The following TUBGCP3 variants were observed in gnomAD, a reference collection of about 807,000 sequenced individuals.
The protein encoded by TUBGCP3 is tubulin gamma complex component 3, also known as gamma-tubulin complex component 3.
A neutral mutation model predicts 123.1 loss-of-function variants in TUBGCP3; 50 were observed. That is an observed-to-expected ratio of 0.41 (90% CI 0.32 to 0.51). The LOEUF is 0.51. Ranked by LOEUF, TUBGCP3 falls within the 20% of genes least tolerant of loss-of-function variation. The pLI, the probability that TUBGCP3 is intolerant of heterozygous loss-of-function variation, is 0.36. For synonymous variants in TUBGCP3, 405 were observed against 413.9 expected, an observed-to-expected ratio of 0.98 and a Z score of 0.26; for missense variants, 882 against 1,127.0, an observed-to-expected ratio of 0.78 and a Z score of 3.11.
chr13:112,508,330 C>G lies in TUBGCP3; in HGVS notation c.2087-3616G>C, dbSNP rs1881440071. 6.6e-6 allele frequency among the ~76,000 whole-genome samples: 1 copy of G among 152,218 alleles called. No homozygotes were observed. Among genetic ancestry groups the G allele is most frequent in the South Asian group, 2.1e-4 (1 of 4,830 alleles). ...ATCGGCATCTCAAACAGCCTTCCAA[C>G]AAACAAAGCGTCTAACTTCGTTAGA... is the stretch of plus-strand genomic sequence containing the variant. On this transcript the variant is annotated intron_variant, in intron 17 of 21. Transcript: ENST00000261965. This position sits in a 1 kb window ranked among gnomAD's most constrained non-coding sequence, Gnocchi z 4.2.
At chr13:112,500,875 TTCATTTGCTAAG>T (rs1358112601) in intron 19 of TUBGCP3, among the ~76,000 whole-genome samples, 3 of 152,260 alleles carry the variant, frequency 2.0e-5, no homozygotes, top group African/African-American at 7.2e-5. Flanking sequence ...CGGTTCAAAA[TTCATTTGCTAAG>T]TCACAGCAGC....
At chr13:112,518,015 T>C (rs1343277284) in intron 16 of TUBGCP3, among the ~76,000 whole-genome samples, 1 of 152,202 alleles carries the variant, frequency 6.6e-6, no homozygotes, top group Non-Finnish European at 1.5e-5. Flanking sequence ...TGATGAGAAA[T>C]TAAATTTAAG....
chr13:112,516,785 A>G (rs1470769761), intron 16 of TUBGCP3, among the ~76,000 whole-genome samples: 1 of 152,180 alleles, frequency 6.6e-6, no homozygotes, highest in East Asian at 1.9e-4. Context: ...CTTGCAGTTT[A>G]TTAGGATTTT....
chr13:112,492,645 C>T lies in TUBGCP3; in HGVS notation c.2449-2948G>A, dbSNP rs117265434. 2.6e-4 allele frequency among the ~76,000 whole-genome samples: 40 copies of T among 152,030 alleles called. 1 individual carries two copies. The East Asian group carries it at 6.6e-3, about 25-fold the overall frequency. Reference sequence around the variant, plus strand: ...AGACGCTCTGGCTATGGGAACGGGGCCTGGTGTCCCTGAGATGCTCTGGCT... The same window carrying T: ...AGACGCTCTGGCTATGGGAACGGGGTCTGGTGTCCCTGAGATGCTCTGGCT... On this transcript the variant is annotated intron_variant, in intron 20 of 21. Transcript: ENST00000261965.
intron 17 of TUBGCP3, among the ~76,000 whole-genome samples, chr13:112,513,323 C>T (rs779821223): frequency 6.6e-6 from 1 of 152,316 alleles, no homozygotes; most frequent in East Asian, 1.9e-4. Context: ...ACATAAAAAG[C>T]TGCTACCATC....
chr13:112,565,168 T>C lies in TUBGCP3; in HGVS notation c.195A>G (p.Gln65=). 2 of 1,613,184 alleles carry C rather than the reference T, an allele frequency of 1.2e-6. No homozygotes were observed. The highest frequency in any genetic ancestry group is 1.7e-6 in the Non-Finnish European group (2 of 1,179,924). ...AEKIKKELIR[Q]RREADAALFS... is the part of the protein sequence containing the mutation. Reference sequence around the variant, plus strand: ...ATAATGCAGCATCTGCTTCTCTTCGTTGTCGAATAACTGAAAAGACAGAAA... The same window carrying C: ...ATAATGCAGCATCTGCTTCTCTTCGCTGTCGAATAACTGAAAAGACAGAAA... Residue 65 remains glutamine, a synonymous_variant, in exon 3 of 22, where the codon CAA becomes CAG. Coordinates refer to ENST00000261965, the MANE Select transcript of TUBGCP3 (RefSeq NM_006322.6).
chr13:112,497,408 C>CA, intron 20 of TUBGCP3, among the ~76,000 whole-genome samples: 1 of 152,132 alleles, frequency 6.6e-6, no homozygotes, highest in Non-Finnish European at 1.5e-5. Flanking sequence ...CAAATGTTTC[C>CA]AAAAAATACC....
chr13:112,549,322 C>A (rs375817622), intron 8 of TUBGCP3, among the ~76,000 whole-genome samples: 2 of 115,994 alleles, frequency 1.7e-5, no homozygotes, highest in East Asian at 2.9e-4. Context: ...ACTTGGATAC[C>A]GGGGCCTGTT....
intron 17 of TUBGCP3, among the ~76,000 whole-genome samples, chr13:112,507,675 A>C (rs1441248269): frequency 6.6e-6 from 1 of 152,202 alleles, no homozygotes; most frequent in Non-Finnish European, 1.5e-5. Flanking sequence ...GGCTTCCTCC[A>C]GAATTCTTCT....
Position 112,545,241 on chromosome 13 carries a change from C to T in TUBGCP3, c.1335+458G>A, listed in dbSNP as rs1878891365. The T allele has an allele frequency of 6.3e-6, 1 of 159,042 alleles. No homozygotes were observed. 9.9% of individuals were successfully genotyped at this position (159,042 alleles called of 1,614,324 possible). A position where few individuals can be genotyped will look rare whatever the true frequency, so the allele number is the denominator to read the frequency against. Reference sequence around the variant, plus strand: ...CATTTCTATCATGTGATTTACACAACAGTGATTTTTAAGCAGCACATGCTG... The same window carrying T: ...CATTTCTATCATGTGATTTACACAATAGTGATTTTTAAGCAGCACATGCTG... On this transcript the variant is annotated intron_variant, in intron 11 of 21. Transcript: ENST00000261965. This position sits in a 1 kb window ranked among gnomAD's most constrained non-coding sequence, Gnocchi z 4.1.
intron 1 of TUBGCP3, among the ~76,000 whole-genome samples, chr13:112,571,336 T>C (rs1881372343): frequency 6.6e-6 from 1 of 152,210 alleles, no homozygotes; most frequent in Admixed American, 6.5e-5. Context: ...AGATGCATGT[T>C]AGCAGGCATG....
chr13:112,488,667 C>A (rs1364012290), intron 21 of TUBGCP3, among the ~76,000 whole-genome samples: 3 of 140,406 alleles, frequency 2.1e-5, no homozygotes, highest in Non-Finnish European at 4.6e-5. Context: ...CACATCCCAC[C>A]ACAGGGGAGC....
chr13:112,529,091 G>C (rs957305695), intron 11 of TUBGCP3, among the ~76,000 whole-genome samples: 1 of 151,892 alleles, frequency 6.6e-6, no homozygotes, highest in Non-Finnish European at 1.5e-5. Context: ...GAGCTCAAGC[G>C]ATCTGCCTGC....
intron 9 of TUBGCP3, 78 bp from the exon 10 acceptor site, chr13:112,547,830 C>T: frequency 7.5e-7 from 1 of 1,341,856 alleles, no homozygotes; most frequent in Non-Finnish European, 9.7e-7. Context: ...ATCAAGTGAA[C>T]ATAAGAAAAT....
intron 13 of TUBGCP3, among the ~76,000 whole-genome samples, chr13:112,523,649 C>T (rs1221968757): frequency 6.6e-6 from 1 of 152,118 alleles, no homozygotes; most frequent in Admixed American, 6.5e-5. Context: ...TCATTACACC[C>T]TTGTTTGAGT....
chr13:112,552,054 G>A (rs905898247), intron 8 of TUBGCP3, among the ~76,000 whole-genome samples: 50 of 152,276 alleles, frequency 3.3e-4, no homozygotes, highest in African/African-American at 1.0e-3. Context: ...GAGCTCAGGC[G>A]GTCATGCCTG....
At chr13:112,572,354 T>C (rs1054655620) in intron 1 of TUBGCP3, among the ~76,000 whole-genome samples, 2 of 152,188 alleles carry the variant, frequency 1.3e-5, no homozygotes, top group East Asian at 1.9e-4. Context: ...GTTTGTTACA[T>C]AGGTATACGT....
intron 19 of TUBGCP3, among the ~76,000 whole-genome samples, chr13:112,502,542 CT>C (rs10710530): frequency 0.21 from 23,916 of 114,098 alleles, 1,708 homozygotes; most frequent in African/African-American, 0.32. Flanking sequence ...TACATTTCTT[CT>C]TTTTTTTTTT....
chr13:112,595,034 G>A, the TUBGCP3 span, among the ~76,000 whole-genome samples: 47 of 152,124 alleles, frequency 3.1e-4, no homozygotes, highest in African/African-American at 1.0e-3. Flanking sequence ...GTTGTTGATC[G>A]CCATGTTCTC....
Sources: gnomAD v4.1 joint callset for allele counts (sites outside exome capture counted in the v4.1 genomes callset) on GRCh38, gnomAD v4.1.1 for gene constraint, Gnocchi (gnomAD v3.1) non-coding constraint, MANE v1.5 for transcripts, NCBI Gene and HGNC (gene_info 2026-07-23, HGNC 2026-07-21) for gene names.